Variants in PARVA observed in about 807,000 individuals in gnomAD.
PARVA encodes the protein alpha-parvin.
PARVA carries 25 observed loss-of-function variants against 52.6 expected under a neutral mutation model. The ratio of observed to expected loss-of-function variants is 0.48; its 90% CI spans 0.35 to 0.66. The LOEUF (loss-of-function observed/expected upper bound fraction) is 0.66. PARVA is among the 30% of genes least tolerant of loss of function. The probability of loss-of-function intolerance (pLI) is 0.01; values close to 1 mark genes in which losing one functional copy is unlikely to be tolerated. For missense variants in PARVA, 373 were observed against 450.9 expected, an observed-to-expected ratio of 0.83 and a Z score of 1.56; for synonymous variants, 185 against 179.1, an observed-to-expected ratio of 1.03 and a Z score of -0.26.
At chr11:12,491,071 A>G (rs1941228362) in intron 4 of PARVA, among the ~76,000 whole-genome samples, 1 of 152,234 alleles carries the variant, frequency 6.6e-6, no homozygotes, top group African/African-American at 2.4e-5. Flanking sequence ...AAAGTTCAGA[A>G]TAAGTTGGTA....
At chr11:12,426,992 C>T (rs899640410) in intron 1 of PARVA, among the ~76,000 whole-genome samples, 12 of 151,986 alleles carry the variant, frequency 7.9e-5, no homozygotes, top group African/African-American at 2.9e-4. Context: ...CAAAAAAAGG[C>T]TTTGAAGTCT....
chr11:12,401,368 A>G (rs1426238902), intron 1 of PARVA, among the ~76,000 whole-genome samples: 1 of 152,238 alleles, frequency 6.6e-6, no homozygotes, highest in Non-Finnish European at 1.5e-5. Flanking sequence ...GCTAAGGCTT[A>G]ACACACTATT....
rs577784079 is a variant in PARVA, at chr11:12,395,679, G to A, written c.136+17896G>A. ...CATCAAAGACTCGGCCTCTTCCACT[G>A]GCTAGTTCTCCTGAGTCCCAGGTGA... On this transcript the variant is annotated intron_variant, in intron 1 of 12. Coordinates refer to ENST00000334956, the MANE Select transcript of PARVA (RefSeq NM_018222.5). Among the ~76,000 whole-genome samples the A allele has an allele frequency of 6.2e-4, 94 of 152,154 alleles. 1 individual carries two copies. Among genetic ancestry groups the A allele is most frequent in the Non-Finnish European group, 1.2e-3 (85 of 68,032 alleles).
chr11:12,439,240 G>C (rs1940428276), intron 1 of PARVA, among the ~76,000 whole-genome samples: 1 of 152,090 alleles, frequency 6.6e-6, no homozygotes, highest in African/African-American at 2.4e-5. Context: ...AGGGTGAATG[G>C]GGAAGGGGAC....
chr11:12,428,677 G>A (rs542852880), intron 1 of PARVA, among the ~76,000 whole-genome samples: 14 of 152,264 alleles, frequency 9.2e-5, no homozygotes, highest in East Asian at 7.7e-4. Context: ...GCTCAGTGTC[G>A]GGTGCAGAGG....
chr11:12,480,137 T>A (rs1228961894), intron 4 of PARVA: 1 of 149,084 alleles, frequency 6.7e-6, no homozygotes, highest in Non-Finnish European at 1.5e-5. Context: ...GGCAGGAGAA[T>A]CACTTGAACC....
intron 5 of PARVA, among the ~76,000 whole-genome samples, chr11:12,503,966 G>C (rs1941395603): frequency 6.6e-6 from 1 of 152,170 alleles, no homozygotes; most frequent in Non-Finnish European, 1.5e-5. Context: ...ATGGCAGGAG[G>C]CAAAGTGGGA....
At chr11:12,514,123 C>T in intron 10 of PARVA, 58 bp downstream of exon 10, 1 of 1,374,736 alleles carries the variant, frequency 7.3e-7, no homozygotes, top group Non-Finnish European at 1.0e-6. Flanking sequence ...GCCCCTGTTC[C>T]AAGTGGCCCA....
intron 1 of PARVA, among the ~76,000 whole-genome samples, chr11:12,391,838 G>A (rs919333513): frequency 2.0e-5 from 3 of 152,214 alleles, no homozygotes; most frequent in Admixed American, 6.5e-5. Flanking sequence ...GATCCATTGG[G>A]AGGAGTGGGC....
intron 1 of PARVA, among the ~76,000 whole-genome samples, chr11:12,439,911 C>T (rs1940439192): frequency 1.3e-5 from 2 of 152,208 alleles, no homozygotes; most frequent in Admixed American, 1.3e-4. Context: ...CTTAGAGAGG[C>T]CTATGACCAC....
chr11:12,499,047 T>C (rs1006072757), intron 5 of PARVA, among the ~76,000 whole-genome samples: 1 of 152,242 alleles, frequency 6.6e-6, no homozygotes, highest in Non-Finnish European at 1.5e-5. Context: ...TTTTAGGATG[T>C]TTCCCAACCT....
At chr11:12,471,098 G>A (rs1034657321) in intron 1 of PARVA, among the ~76,000 whole-genome samples, 3 of 152,202 alleles carry the variant, frequency 2.0e-5, no homozygotes, top group Non-Finnish European at 2.9e-5. Flanking sequence ...GGAGCTTGGC[G>A]TGAACCATGG....
At chr11:12,437,128 TTTA>T (rs1284999071) in intron 1 of PARVA, among the ~76,000 whole-genome samples, 1 of 152,172 alleles carries the variant, frequency 6.6e-6, no homozygotes, top group East Asian at 1.9e-4. Context: ...AGTAGTTTAT[TTTA>T]TTATATTTTT....
intron 1 of PARVA, among the ~76,000 whole-genome samples, chr11:12,424,974 T>C (rs896379140): frequency 4.6e-5 from 7 of 152,230 alleles, no homozygotes; most frequent in African/African-American, 1.7e-4. Context: ...GATTAAACTA[T>C]ATTTATGAAT....
rs568421160 is a variant in PARVA, at chr11:12,414,636, C to CA, written c.136+36854dup. Among the ~76,000 whole-genome samples the CA allele has an allele frequency of 1.1e-3, 123 of 109,472 alleles. 1 individual carries two copies. The highest frequency in any genetic ancestry group is 5.0e-3 in the African/African-American group (118 of 23,494). 71.8% of individuals were successfully genotyped at this position (109,472 alleles called of 152,430 possible). On this transcript the variant is annotated intron_variant, in intron 1 of 12. Transcript: ENST00000334956. ...CTTGTCTTATGGCTGCTGAAAATTT[C>CA]ATTTTTTTTTTTTTGTCTCTAAGTT...
intron 12 of PARVA, among the ~76,000 whole-genome samples, chr11:12,519,438 T>C (rs1589990522): frequency 6.6e-6 from 1 of 152,210 alleles, no homozygotes; most frequent in Non-Finnish European, 1.5e-5. Flanking sequence ...TCAAGGCACG[T>C]GTAGCCAACC....
At chr11:12,472,324 G>C (rs1313969665) in intron 1 of PARVA, among the ~76,000 whole-genome samples, 1 of 152,260 alleles carries the variant, frequency 6.6e-6, no homozygotes, top group East Asian at 1.9e-4. Context: ...CAGCCCGTGA[G>C]CTGTGGGTTG....
At position 12,528,271 on chromosome 11, in the gene PARVA, A is replaced by G. The variant is rs551923555; in HGVS notation, c.*346A>G. The G allele has an allele frequency of 3.1e-6, 1 of 318,118 alleles. No individual in the cohort carries two copies. The highest frequency in any genetic ancestry group is 2.1e-5 in the African/African-American group (1 of 48,322). The allele number at this position is 318,118 out of a possible 1,614,324, so 19.7% of individuals were successfully genotyped here. On this transcript the variant is annotated 3_prime_UTR_variant, in exon 13 of 13. Coordinates refer to ENST00000334956, the MANE Select transcript of PARVA (RefSeq NM_018222.5). ...AAAGATCCTAGTTACCATTCAAAGG[A>G]TGCTAACTGTGTGTCAGGCCCCACA...
At chr11:12,502,484 C>A (rs754654350) in intron 5 of PARVA, among the ~76,000 whole-genome samples, 10 of 151,510 alleles carry the variant, frequency 6.6e-5, no homozygotes, top group Non-Finnish European at 1.3e-4. Context: ...TGAAGGCAGG[C>A]AAAATATCTG....
Sources: allele counts gnomAD v4.1 joint callset (sites outside exome capture counted in the v4.1 genomes callset), GRCh38; gene constraint gnomAD v4.1.1; transcripts MANE v1.5; gene names NCBI Gene and HGNC (gene_info 2026-07-23, HGNC 2026-07-21).